The following CLCA2 variants were observed in gnomAD, a reference collection of about 807,000 sequenced individuals.
CLCA2 encodes chloride channel accessory 2.
Under a neutral mutation model 82.9 loss-of-function variants are expected in CLCA2, and 85 were observed. The observed-to-expected ratio is 1.03, with a 90% confidence interval of 0.86 to 1.23. The LOEUF is 1.23. Among genes scored for constraint, CLCA2 ranks in the 50% most tolerant of loss-of-function variants. CLCA2 has a pLI of 0.00. For synonymous variants in CLCA2, 421 were observed against 391.7 expected (o/e 1.07, Z -0.88); for missense variants, 1,089 against 1,124.8 (o/e 0.97, Z 0.45).
At chr1:86,448,754 C>A (rs546608497) in intron 11 of CLCA2, among the ~76,000 whole-genome samples, 10 of 152,364 alleles carry the variant, frequency 6.6e-5, no homozygotes, top group Admixed American at 6.5e-4. Flanking sequence ...TGGTTCAAGT[C>A]CACCACTGGG....
intron 6 of CLCA2, among the ~76,000 whole-genome samples, chr1:86,437,986 T>C (rs1467542014): frequency 6.6e-6 from 1 of 152,216 alleles, no homozygotes; most frequent in Non-Finnish European, 1.5e-5. Flanking sequence ...CTTTACAACT[T>C]ACTTCCCAAT....
rs1663067032 is a variant in CLCA2, at chr1:86,455,885, G to A, written c.*358G>A. On this transcript the variant is annotated 3_prime_UTR_variant, in exon 14 of 14. Coordinates refer to ENST00000370565, the MANE Select transcript of CLCA2 (RefSeq NM_006536.7). Reference sequence around the variant, plus strand: ...TCTGCATTATAACTGTCTGTGTGAAGCAATCATTTAGTTACTTTGATTAAT... The same window carrying A: ...TCTGCATTATAACTGTCTGTGTGAAACAATCATTTAGTTACTTTGATTAAT... 1 of 155,894 alleles carries A rather than the reference G, an allele frequency of 6.4e-6. No homozygotes were observed. Among genetic ancestry groups the A allele is most frequent in the African/African-American group, 2.4e-5 (1 of 41,588 alleles). The allele number at this position is 155,894 out of a possible 1,614,324, so 9.7% of individuals were successfully genotyped here. A position where few individuals can be genotyped will look rare whatever the true frequency, so the allele number is the denominator to read the frequency against.
intron 12 of CLCA2, among the ~76,000 whole-genome samples, chr1:86,451,364 T>C (rs1662960468): frequency 6.6e-6 from 1 of 152,242 alleles, no homozygotes; most frequent in Non-Finnish European, 1.5e-5. Context: ...AAAAAAGACT[T>C]CTAAGCATTT....
chr1:86,425,380 C>A lies in CLCA2; in HGVS notation c.228C>A (p.Thr76=). ...TEASFYLFNA[T]KRRVFFRNIK... ...CTTCATTTTACCTATTTAATGCTAC[C>A]AAGAGAAGAGTATTTTTCAGAAATA... The change falls in exon 2 of 14, where the codon ACC becomes ACA. Residue 76 remains threonine (T), a synonymous_variant. Coordinates refer to ENST00000370565, the MANE Select transcript of CLCA2 (RefSeq NM_006536.7). 1 of 1,573,700 alleles carries A rather than the reference C, an allele frequency of 6.4e-7. No individual in the cohort carries two copies. The highest frequency in any genetic ancestry group is 1.2e-5 in the South Asian group (1 of 82,890).
At chr1:86,443,162 G>A (rs1662773211) in intron 9 of CLCA2, among the ~76,000 whole-genome samples, 1 of 152,076 alleles carries the variant, frequency 6.6e-6, no homozygotes, top group Non-Finnish European at 1.5e-5. Flanking sequence ...GAGCACCTGG[G>A]ATTACAGGCA....
Position 86,438,894 on chromosome 1 carries a change from C to G in CLCA2, c.991C>G (p.Leu331Val), listed in dbSNP as rs751501941. Residue 331 changes from leucine (L) to valine (V), a missense_variant, in exon 7 of 14, where the codon CTA becomes GTA. Physicochemically the swap from Leu to Val is conservative, Grantham distance 32. Coordinates refer to ENST00000370565, the MANE Select transcript of CLCA2 (RefSeq NM_006536.7). ...KMAEADRLLQLQQAAEFYLMQ... is the reference protein window; with the variant it reads ...KMAEADRLLQVQQAAEFYLMQ... ...GACATAGGCTGACAGACTCCTTCAA[C>G]TACAACAAGCCGCAGAATTTTATTT... 1.9e-6 allele frequency: 3 copies of G among 1,614,062 alleles called. No homozygotes were observed. The highest frequency in any genetic ancestry group is 1.7e-6 in the Non-Finnish European group (2 of 1,179,972).
At chr1:86,454,474 G>A (rs1375839945) in intron 13 of CLCA2, among the ~76,000 whole-genome samples, 2 of 152,102 alleles carry the variant, frequency 1.3e-5, no homozygotes, top group African/African-American at 4.8e-5. Context: ...ACTAGATAAA[G>A]CAGAAATGAG....
intron 6 of CLCA2, among the ~76,000 whole-genome samples, chr1:86,437,337 A>G (rs11161829): frequency 0.1 from 15,816 of 152,246 alleles, 978 homozygotes; most frequent in African/African-American, 0.16. Context: ...ACACACATGT[A>G]AATAGATACA....
At chr1:86,450,298 A>G (rs1662934898) in intron 11 of CLCA2, among the ~76,000 whole-genome samples, 1 of 152,206 alleles carries the variant, frequency 6.6e-6, no homozygotes. Context: ...AAGTACAAGA[A>G]TGTTAAAGGT....
chr1:86,454,394 T>C (rs1048166403), intron 13 of CLCA2, among the ~76,000 whole-genome samples: 2 of 152,214 alleles, frequency 1.3e-5, no homozygotes, highest in African/African-American at 2.4e-5. Context: ...TCCTTCCACA[T>C]TGCTATTTTT....
At chr1:86,452,711 C>A (rs766387968) in intron 12 of CLCA2, among the ~76,000 whole-genome samples, 2 of 152,180 alleles carry the variant, frequency 1.3e-5, no homozygotes, top group African/African-American at 4.8e-5. Context: ...TTTGATACCA[C>A]GCTAAATTAC....
intron 3 of CLCA2, among the ~76,000 whole-genome samples, chr1:86,429,379 A>G (rs536808707): frequency 1.8e-4 from 27 of 152,380 alleles, no homozygotes; most frequent in African/African-American, 6.0e-4. Flanking sequence ...CTGCTGCAGA[A>G]GGAAAGGCAA....
In CLCA2 at chr1:86,440,218, T is replaced by A. The variant is rs1466359237; in HGVS notation, c.1274T>A (p.Leu425His). The change falls in exon 8 of 14, where the codon CTT (leucine) becomes CAT (histidine). Residue 425 changes from leucine to histidine, a missense_variant. Coordinates refer to ENST00000370565, the MANE Select transcript of CLCA2 (RefSeq NM_006536.7). ...MILVTSGDDK[L>H]LGNCLPTVLS... ...TTAGTGACCAGCGGAGATGATAAGCTTCTTGGCAATTGCTTACCCACTGTG... is the reference window on the plus strand; with the variant it reads ...TTAGTGACCAGCGGAGATGATAAGCATCTTGGCAATTGCTTACCCACTGTG... 1 of 1,614,150 alleles carries A rather than the reference T, an allele frequency of 6.2e-7. No individual in the cohort carries two copies. The highest frequency in any genetic ancestry group is 8.5e-7 in the Non-Finnish European group (1 of 1,180,000).
chr1:86,453,248 C>A, intron 12 of CLCA2, 121 bp from the exon 13 acceptor site: 1 of 644,816 alleles, frequency 1.6e-6, no homozygotes, highest in Non-Finnish European at 2.7e-6. Flanking sequence ...CAAATACACT[C>A]AGTTATTCTA....
intron 11 of CLCA2, 71 bp from the exon 12 acceptor site, chr1:86,450,491 AT>A (rs1570267655): frequency 8.1e-7 from 1 of 1,237,760 alleles, no homozygotes; most frequent in Non-Finnish European, 1.1e-6. Context: ...AGTAAATCTC[AT>A]TTTTAATGAC....
At chr1:86,450,852 G>A (rs757509440) in intron 12 of CLCA2, 119 bp downstream of exon 12, 39 of 858,306 alleles carry the variant, frequency 4.5e-5, no homozygotes, top group Non-Finnish European at 5.3e-5. Flanking sequence ...AACTCTTTAC[G>A]CTTAAGTCCA....
At chr1:86,441,952 A>AT (rs1255406279) in intron 9 of CLCA2, among the ~76,000 whole-genome samples, 10 of 152,246 alleles carry the variant, frequency 6.6e-5, no homozygotes, top group Non-Finnish European at 1.3e-4. Flanking sequence ...GGTATCAACT[A>AT]TTTCATTAAA....
At chr1:86,453,679 G>A in intron 13 of CLCA2, 77 bp downstream of exon 13, 4 of 1,239,994 alleles carry the variant, frequency 3.2e-6, no homozygotes, top group Admixed American at 2.0e-5. Flanking sequence ...TAGTAGAACT[G>A]AAAAAGGTAC....
chr1:86,441,695 C>T, intron 9 of CLCA2, 152 bp downstream of exon 9: 1 of 542,468 alleles, frequency 1.8e-6, no homozygotes, highest in Non-Finnish European at 3.3e-6. Flanking sequence ...TGCTTGGCAT[C>T]ACCAGAGCCA....
Sources: allele counts gnomAD v4.1 joint callset (sites outside exome capture counted in the v4.1 genomes callset), GRCh38; gene constraint gnomAD v4.1.1; transcripts MANE v1.5; gene names NCBI Gene and HGNC (gene_info 2026-07-23, HGNC 2026-07-21).